SPHKAP: variants seen among roughly 807,000 people sequenced by gnomAD.
SPHKAP encodes SPHK1 interactor, AKAP domain containing.
In SPHKAP, 67 loss-of-function variants were observed where a neutral mutation model predicts 137.5. The ratio of observed to expected loss-of-function variants is 0.49; its 90% confidence interval spans 0.40 to 0.60. The LOEUF (loss-of-function observed/expected upper bound fraction) is 0.60, where lower values mean the gene tolerates loss of function less well. SPHKAP is among the 20% of genes least tolerant of loss of function. The probability of loss-of-function intolerance (pLI) is 0.00; values close to 1 mark genes in which losing one functional copy is unlikely to be tolerated. For synonymous variants in SPHKAP, 813 were observed against 785.3 expected, an observed-to-expected ratio of 1.04 and a Z score of -0.59; for missense variants, 2,097 against 2,069.3, an observed-to-expected ratio of 1.01 and a Z score of -0.26.
At position 227,990,986 on chromosome 2, in the gene SPHKAP, C is replaced by G. The variant is rs1490237216; in HGVS notation, c.4959+14G>C. 1.2e-6 allele frequency: 2 copies of G among 1,611,328 alleles called. No individual in the cohort carries two copies. Among genetic ancestry groups the G allele is most frequent in the African/African-American group, 2.7e-5 (2 of 74,894 alleles). ...CACAAAGCTTTCTTGTTTTCCAAACCTGGTACATGATACCTTTTCAATTCT... is the reference window on the plus strand; with the variant it reads ...CACAAAGCTTTCTTGTTTTCCAAACGTGGTACATGATACCTTTTCAATTCT... On this transcript the variant is annotated intron_variant, in intron 11 of 11. Transcript: ENST00000392056.
Position 227,981,616 on chromosome 2 carries a change from T to C in SPHKAP, c.*101A>G. On this transcript the variant is annotated 3_prime_UTR_variant, in exon 12 of 12. Transcript: ENST00000392056. Reference sequence around the variant, plus strand: ...AGATTTTTTTTTATAGTTCTGCTAATGTGATGTGATGTTTTGAGAATGTTT... The same window carrying C: ...AGATTTTTTTTTATAGTTCTGCTAACGTGATGTGATGTTTTGAGAATGTTT... 2 of 1,427,192 alleles carry C rather than the reference T, an allele frequency of 1.4e-6. No individual in the cohort carries two copies. Among genetic ancestry groups the C allele is most frequent in the Non-Finnish European group, 1.9e-6 (2 of 1,061,368 alleles). 88.4% of individuals were successfully genotyped at this position (1,427,192 alleles called of 1,614,324 possible).
chr2:228,086,329 TC>T (rs76976623), intron 3 of SPHKAP, among the ~76,000 whole-genome samples: 9,247 of 152,088 alleles, frequency 0.061, 275 homozygotes, highest in East Asian at 0.1. Context: ...TTCCCCTGCC[TC>T]CCCTCTTCCC....
intron 3 of SPHKAP, among the ~76,000 whole-genome samples, chr2:228,049,013 G>T (rs1433004002): frequency 6.6e-6 from 1 of 152,168 alleles, no homozygotes; most frequent in Non-Finnish European, 1.5e-5. Flanking sequence ...GGGAGTGTGG[G>T]ACGGTGCTTG....
At chr2:228,161,082 C>T (rs757541961) in intron 1 of SPHKAP, among the ~76,000 whole-genome samples, 1 of 152,138 alleles carries the variant, frequency 6.6e-6, no homozygotes, top group Non-Finnish European at 1.5e-5. Context: ...ACAAATGTGT[C>T]ACTGTCATGA....
At chr2:228,030,543 C>CAAAAAAAAAAAAAAAAA (rs1553615001) in intron 3 of SPHKAP, among the ~76,000 whole-genome samples, 4 of 78,722 alleles carry the variant, frequency 5.1e-5, no homozygotes, top group South Asian at 4.2e-4. Context: ...CAACAAAAAA[C>CAAAAAAAAAAAAAAAAA]AAAAAAAAAA....
At chr2:228,161,602 T>C (rs970819438) in intron 1 of SPHKAP, among the ~76,000 whole-genome samples, 2 of 152,128 alleles carry the variant, frequency 1.3e-5, no homozygotes, top group African/African-American at 4.8e-5. Context: ...CTGGGCTTAA[T>C]ACCTAGGTGG....
intron 1 of SPHKAP, among the ~76,000 whole-genome samples, chr2:228,174,297 A>T (rs1700673373): frequency 6.7e-6 from 1 of 149,840 alleles, no homozygotes; most frequent in South Asian, 2.1e-4. Flanking sequence ...AAACATAGGC[A>T]GGAACCTTTT....
chr2:228,105,114 A>G (rs1297669034), intron 3 of SPHKAP, among the ~76,000 whole-genome samples: 5 of 152,134 alleles, frequency 3.3e-5, no homozygotes, highest in Admixed American at 2.6e-4. Flanking sequence ...GACTACAGAC[A>G]TGCACCACTA....
chr2:228,006,971 G>T (rs573457653), intron 7 of SPHKAP, among the ~76,000 whole-genome samples: 1 of 152,322 alleles, frequency 6.6e-6, no homozygotes, highest in African/African-American at 2.4e-5. Flanking sequence ...CTCCCAGATA[G>T]GCTACTCGGG....
chr2:228,054,396 G>A (rs1017028636), intron 3 of SPHKAP, among the ~76,000 whole-genome samples: 1 of 152,160 alleles, frequency 6.6e-6, no homozygotes, highest in Admixed American at 6.6e-5. Context: ...TTGGGCAAGA[G>A]ACATTGCAAT....
chr2:228,141,955 T>C (rs751945441), intron 1 of SPHKAP, among the ~76,000 whole-genome samples: 15 of 152,204 alleles, frequency 9.9e-5, no homozygotes, highest in Non-Finnish European at 1.9e-4. Context: ...CCTTCTTAAT[T>C]TGATTGGCAA....
chr2:228,009,647 C>A (rs1694290627), intron 7 of SPHKAP, among the ~76,000 whole-genome samples: 1 of 151,986 alleles, frequency 6.6e-6, no homozygotes, highest in Admixed American at 6.6e-5. Context: ...TTGTTGAGTA[C>A]TAGATTTTGT....
chr2:228,037,794 G>A (rs1360903700), intron 3 of SPHKAP, among the ~76,000 whole-genome samples: 1 of 152,292 alleles, frequency 6.6e-6, no homozygotes, highest in Non-Finnish European at 1.5e-5. Flanking sequence ...CCTGTCCCAA[G>A]GGCCTTGAAA....
At chr2:227,991,388 G>A in intron 9 of SPHKAP, 62 bp from the exon 10 acceptor site, 2 of 1,611,004 alleles carry the variant, frequency 1.2e-6, no homozygotes, top group South Asian at 1.1e-5. Flanking sequence ...GTAAATGAAA[G>A]ATGAGGCGAT....
intron 1 of SPHKAP, among the ~76,000 whole-genome samples, chr2:228,178,408 A>C (rs907590287): frequency 4.6e-5 from 7 of 152,302 alleles, no homozygotes; most frequent in Admixed American, 3.9e-4. Context: ...ATTAGATAAC[A>C]CTTGATAACA....
intron 1 of SPHKAP, among the ~76,000 whole-genome samples, chr2:228,157,927 T>A (rs184612471): frequency 6.6e-6 from 1 of 152,176 alleles, no homozygotes; most frequent in Non-Finnish European, 1.5e-5. Context: ...TTAGATAGTT[T>A]TACTTTTTAT....
At chr2:228,134,379 T>C (rs1574881679) in intron 1 of SPHKAP, among the ~76,000 whole-genome samples, 1 of 152,208 alleles carries the variant, frequency 6.6e-6, no homozygotes, top group Non-Finnish European at 1.5e-5. Context: ...CTTAGTCTCA[T>C]CATTTATAAA....
chr2:228,139,050 C>T (rs1024227343), intron 1 of SPHKAP, among the ~76,000 whole-genome samples: 3 of 152,080 alleles, frequency 2.0e-5, no homozygotes, highest in Non-Finnish European at 4.4e-5. Flanking sequence ...GTGTCCCATT[C>T]TTAGAAGAAA....
chr2:228,147,203 C>A (rs979022804), intron 1 of SPHKAP, among the ~76,000 whole-genome samples: 2 of 152,142 alleles, frequency 1.3e-5, no homozygotes, highest in Non-Finnish European at 2.9e-5. Flanking sequence ...CTTAAAAGAT[C>A]TTGTGATTTA....
Sources: allele counts gnomAD v4.1 joint callset (sites outside exome capture counted in the v4.1 genomes callset), GRCh38; gene constraint gnomAD v4.1.1; transcripts MANE v1.5; gene names NCBI Gene and HGNC (gene_info 2026-07-23, HGNC 2026-07-21).